The following ADAMTS13 variants were observed in gnomAD, a reference collection of about 807,000 sequenced individuals.
The protein encoded by ADAMTS13 is A disintegrin and metalloproteinase with thrombospondin motifs 13.
A neutral mutation model predicts 155.1 loss-of-function variants in ADAMTS13; 110 were observed. The observed-to-expected ratio is 0.71, with a 90% CI of 0.61 to 0.83. The LOEUF (loss-of-function observed/expected upper bound fraction) is 0.83, where lower values mean the gene tolerates loss of function less well. Ranked by LOEUF, ADAMTS13 falls within the 40% of genes least tolerant of loss-of-function variation. The pLI, the probability that ADAMTS13 is intolerant of heterozygous loss-of-function variation, is 0.00. For missense variants in ADAMTS13, 1,707 were observed against 1,891.7 expected (o/e 0.90, Z 1.81); for synonymous variants, 758 against 756.4 (o/e 1.00, Z -0.03).
intron 5 of ADAMTS13, 63 bp from the exon 6 acceptor site, chr9:133,426,136 A>C: frequency 6.2e-7 from 1 of 1,613,952 alleles, no homozygotes; most frequent in Non-Finnish European, 8.5e-7. Context: ...GCCCTCTGCA[A>C]AGGTGACCCC....
Position 133,425,733 on chromosome 9 carries a change from C to T in ADAMTS13, c.414+121C>T, listed in dbSNP as rs1253843171. The T allele has an allele frequency of 7.2e-7, 1 of 1,394,240 alleles. No homozygotes were observed. The highest frequency in any genetic ancestry group is 1.4e-5 in the African/African-American group (1 of 69,908). 86.4% of individuals were successfully genotyped at this position (1,394,240 alleles called of 1,614,324 possible). A position where few individuals can be genotyped will look rare whatever the true frequency, so the allele number is the denominator to read the frequency against. ...AGCAGCATGGATCACAGAATGCATTCAGCCAGACAGACCAGCTGCCCTCCC... is the reference window on the plus strand; with the variant it reads ...AGCAGCATGGATCACAGAATGCATTTAGCCAGACAGACCAGCTGCCCTCCC... On this transcript the variant is annotated intron_variant, in intron 4 of 28. Transcript: ENST00000355699. The surrounding 1 kb of genome is among the most constrained non-coding windows in gnomAD (Gnocchi z 4.6).
intron 13 of ADAMTS13, 26 bp from the exon 14 acceptor site, chr9:133,438,220 G>A: frequency 6.2e-7 from 1 of 1,614,062 alleles, no homozygotes; most frequent in Non-Finnish European, 8.5e-7. Flanking sequence ...CAGTGACACG[G>A]GCCCTCTGTC....
chr9:133,447,242 A>G (rs922175483), intron 21 of ADAMTS13, among the ~76,000 whole-genome samples: 4 of 152,204 alleles, frequency 2.6e-5, no homozygotes, highest in African/African-American at 9.7e-5. Flanking sequence ...CCACTTGCTC[A>G]GTAAAATGTC....
At chr9:133,438,003 C>T (rs2028003) in intron 13 of ADAMTS13, 106 bp downstream of exon 13, 5 of 1,579,060 alleles carry the variant, frequency 3.2e-6, no homozygotes, top group Non-Finnish European at 4.3e-6. Context: ...CTGCAGTGCC[C>T]TCTGCAGGGG....
upstream of ADAMTS13, chr9:133,417,645 G>A (rs1839741157): frequency 6.2e-7 from 1 of 1,613,948 alleles, no homozygotes; most frequent in Non-Finnish European, 8.5e-7. Context: ...CCAGTTTTGA[G>A]AAAAGTCTTC....
intron 8 of ADAMTS13, 96 bp downstream of exon 8, chr9:133,430,197 G>A: frequency 6.7e-7 from 1 of 1,497,700 alleles, no homozygotes; most frequent in Non-Finnish European, 9.0e-7. Context: ...AACCTGCTGG[G>A]TGCCGTGCTA....
At position 133,456,751 on chromosome 9, in the gene ADAMTS13, T is replaced by C; in HGVS notation, c.3724+32T>C. ...CCAGGCCTTCTCCACCTCCCTTGGG[T>C]GCTCCAGTCCTGGCAGGGAGGCTGG... On this transcript the variant is annotated intron_variant, in intron 27 of 28. Transcript: ENST00000355699. The surrounding 1 kb of genome is among the most constrained non-coding windows in gnomAD (Gnocchi z 4.4). 6.4e-7 allele frequency: 1 copy of C among 1,551,294 alleles called. No homozygotes were observed. The highest frequency in any genetic ancestry group is 8.7e-7 in the Non-Finnish European group (1 of 1,147,086).
At chr9:133,434,341 T>G (rs1382765475) in intron 11 of ADAMTS13, among the ~76,000 whole-genome samples, 1 of 152,182 alleles carries the variant, frequency 6.6e-6, no homozygotes, top group Non-Finnish European at 1.5e-5. Context: ...AGTCTCTCCC[T>G]GTCACCCAGA....
In ADAMTS13 at chr9:133,433,496, T is replaced by C; in HGVS notation, c.1211T>C (p.Val404Ala). 1 of 1,613,472 alleles carries C rather than the reference T, an allele frequency of 6.2e-7. No homozygotes were observed. Among genetic ancestry groups the C allele is most frequent in the Non-Finnish European group, 8.5e-7 (1 of 1,179,856 alleles). Residue 404 changes from valine (V) to alanine (A), a missense_variant, in exon 10 of 29, where the codon GTG (valine) becomes GCG (alanine). Physicochemically the swap from Val to Ala is moderately conservative, Grantham distance 64. This residue lies in a region of ADAMTS13 where 733 missense variants were observed against 749.6 expected (regional missense o/e 0.98). Transcript: ENST00000355699. ...SPCSRSCGGG[V>A]VTRRRQCNNP... Reference sequence around the variant, plus strand: ...TGCTCCCGCTCCTGCGGAGGAGGTGTGGTCACCAGGAGGCGGCAGTGCAAC... The same window carrying C: ...TGCTCCCGCTCCTGCGGAGGAGGTGCGGTCACCAGGAGGCGGCAGTGCAAC...
intron 1 of ADAMTS13, chr9:133,415,080 T>TA (rs1588139919): frequency 7.8e-7 from 1 of 1,282,334 alleles, no homozygotes; most frequent in East Asian, 2.3e-5. Context: ...TGAAAAAACT[T>TA]ACGTGTGTAT....
chr9:133,454,206 C>T (rs1554795000), intron 23 of ADAMTS13, among the ~76,000 whole-genome samples: 1 of 152,172 alleles, frequency 6.6e-6, no homozygotes, highest in African/African-American at 2.4e-5. Flanking sequence ...ACAGGGGCCT[C>T]TTCCCCCTAG....
intron 6 of ADAMTS13, among the ~76,000 whole-genome samples, chr9:133,427,605 C>T (rs1840369623): frequency 6.6e-6 from 1 of 152,210 alleles, no homozygotes; most frequent in East Asian, 1.9e-4. Flanking sequence ...GGGGCTTAGC[C>T]TGGGAGGGTT....
Position 133,456,020 on chromosome 9 carries a change from G to C in ADAMTS13, c.3401-49G>C. 3.7e-6 allele frequency: 6 copies of C among 1,612,286 alleles called. No individual in the cohort carries two copies. Among genetic ancestry groups the C allele is most frequent in the Non-Finnish European group, 5.1e-6 (6 of 1,179,904 alleles). On this transcript the variant is annotated intron_variant, in intron 25 of 28. Transcript: ENST00000355699. This position sits in a 1 kb window ranked among gnomAD's most constrained non-coding sequence, Gnocchi z 4.4. ...GCTTGGAAGCCCCGGAGCCTGCCCTGCTGGGAATCGGGGAAGCACTGCTTA... is the reference window on the plus strand; with the variant it reads ...GCTTGGAAGCCCCGGAGCCTGCCCTCCTGGGAATCGGGGAAGCACTGCTTA...
chr9:133,428,566 C>CGGG, intron 6 of ADAMTS13, 68 bp from the exon 7 acceptor site: 2 of 283,532 alleles, frequency 7.1e-6, no homozygotes, highest in Non-Finnish European at 1.3e-5. Flanking sequence ...CGCCGACCCC[C>CGGG]GTCCCGCCCC....
chr9:133,439,879 A>G (rs1588177172), intron 15 of ADAMTS13, among the ~76,000 whole-genome samples: 6 of 152,212 alleles, frequency 3.9e-5, no homozygotes, highest in Admixed American at 2.0e-4. Context: ...TCTCTTGGTG[A>G]CCCAGCCCCT....
intron 2 of ADAMTS13, among the ~76,000 whole-genome samples, chr9:133,423,973 T>A (rs995757844): frequency 9.9e-5 from 15 of 152,192 alleles, no homozygotes; most frequent in African/African-American, 3.4e-4. Flanking sequence ...GCTCCACTCG[T>A]GTTCAGTTTC....
In ADAMTS13 at chr9:133,428,616, TC is replaced by T; in HGVS notation, c.687-14del. ...CCCCTGCCGGCCGCCTTAGCGCAAC[TC>T]CCCGCCCCCCGACCAGCTTCGGCCT... On this transcript the variant is annotated splice_polypyrimidine_tract_variant and intron_variant, in intron 6 of 28. Transcript: ENST00000355699. 1 of 1,030,232 alleles carries T rather than the reference TC, an allele frequency of 9.7e-7. No individual in the cohort carries two copies. Among genetic ancestry groups the T allele is most frequent in the Non-Finnish European group, 1.2e-6 (1 of 860,848 alleles). The allele number at this position is 1,030,232 out of a possible 1,614,324, so 63.8% of individuals were successfully genotyped here.
intron 19 of ADAMTS13, among the ~76,000 whole-genome samples, chr9:133,444,660 G>T (rs1214541440): frequency 6.6e-6 from 1 of 152,176 alleles, no homozygotes; most frequent in Non-Finnish European, 1.5e-5. Context: ...GCGAGTGCTT[G>T]TTGAATGGGA....
intron 7 of ADAMTS13, among the ~76,000 whole-genome samples, chr9:133,428,980 C>T (rs915101256): frequency 2.2e-4 from 32 of 144,504 alleles, no homozygotes; most frequent in African/African-American, 8.2e-4. Context: ...GCCCGCTGGG[C>T]CGCCCGCGCC....
Sources: gnomAD v4.1 joint callset for allele counts (sites outside exome capture counted in the v4.1 genomes callset) on GRCh38, gnomAD v4.1.1 for gene constraint, gnomAD v4.1.1 regional missense constraint, Gnocchi (gnomAD v3.1) non-coding constraint, MANE v1.5 for transcripts, NCBI Gene and HGNC (gene_info 2026-07-23, HGNC 2026-07-21) for gene names.